FBXL2: variants seen among roughly 807,000 people sequenced by gnomAD.
FBXL2 encodes F-box/LRR-repeat protein 2.
FBXL2 carries 38 observed loss-of-function variants against 69.2 expected under a neutral mutation model. The observed-to-expected ratio is 0.55, with a 90% CI of 0.42 to 0.72. The LOEUF is 0.72. FBXL2 is among the 30% of genes least tolerant of loss of function. The pLI is 0.00. For synonymous variants in FBXL2, 192 were observed against 201.3 expected (o/e 0.95, Z 0.39); for missense variants, 354 against 520.3 (o/e 0.68, Z 3.11).
intron 2 of FBXL2, among the ~76,000 whole-genome samples, chr3:33,343,485 G>A: frequency 6.6e-6 from 1 of 151,696 alleles, no homozygotes; most frequent in East Asian, 1.9e-4. Context: ...AATAATAATG[G>A]AACAAAAATT....
chr3:33,315,447 TAA>T (rs199821045), intron 2 of FBXL2, among the ~76,000 whole-genome samples: 2 of 143,630 alleles, frequency 1.4e-5, no homozygotes, highest in Admixed American at 1.4e-4. Context: ...AATGTCAGTT[TAA>T]AAAAAAAAAA....
intron 2 of FBXL2, chr3:33,303,262 T>G: frequency 2.3e-6 from 1 of 438,356 alleles, no homozygotes; most frequent in Non-Finnish European, 4.6e-6. Context: ...GTTTGCTCGC[T>G]CTCGTGGTTG....
At chr3:33,340,326 A>T (rs2039916796) in intron 2 of FBXL2, among the ~76,000 whole-genome samples, 1 of 152,164 alleles carries the variant, frequency 6.6e-6, no homozygotes. Flanking sequence ...GCTACTGAAC[A>T]TGCAATAATG....
chr3:33,388,296 G>GTGAC (rs913806301), downstream of FBXL2: 5 of 152,516 alleles, frequency 3.3e-5, no homozygotes, highest in African/African-American at 9.7e-5. Flanking sequence ...ATGACACGAA[G>GTGAC]TGACAGTAGC....
the FBXL2 span, among the ~76,000 whole-genome samples, chr3:33,420,453 G>C: frequency 6.7e-6 from 1 of 149,058 alleles, no homozygotes; most frequent in African/African-American, 2.5e-5. Flanking sequence ...AGCCTCCCAA[G>C]TAGCTGGAAT....
chr3:33,396,843 G>T, intron 12 of FBXL2: 1 of 683,726 alleles, frequency 1.5e-6, no homozygotes, highest in Non-Finnish European at 2.7e-6. Flanking sequence ...GTCTACCTCT[G>T]CCCTCATCAG....
At chr3:33,324,833 T>G (rs971293296) in intron 2 of FBXL2, among the ~76,000 whole-genome samples, 1 of 152,208 alleles carries the variant, frequency 6.6e-6, no homozygotes, top group African/African-American at 2.4e-5. Context: ...TTTCTAATTC[T>G]ATGAAGAAAG....
At chr3:33,339,532 G>A (rs1432439436) in intron 2 of FBXL2, among the ~76,000 whole-genome samples, 8 of 152,184 alleles carry the variant, frequency 5.3e-5, no homozygotes, top group Non-Finnish European at 8.8e-5. Flanking sequence ...GGAAACAGGA[G>A]ACATGGAGGC....
intron 1 of FBXL2, among the ~76,000 whole-genome samples, chr3:33,290,269 T>C (rs1033414460): frequency 3.9e-5 from 6 of 152,198 alleles, no homozygotes; most frequent in Non-Finnish European, 2.9e-5. Flanking sequence ...CAAACCCAGC[T>C]CAACTATAGA....
At chr3:33,303,090 T>C (rs1241383316) in intron 2 of FBXL2, 1 of 456,674 alleles carries the variant, frequency 2.2e-6, no homozygotes, top group East Asian at 6.9e-5. Flanking sequence ...ATGGGCTTTT[T>C]AAAGGACTGC....
chr3:33,385,743 T>C lies in FBXL2; in HGVS notation c.*135T>C, dbSNP rs2043389549. 2 of 684,574 alleles carry C rather than the reference T, an allele frequency of 2.9e-6. No homozygotes were observed. The highest frequency in any genetic ancestry group is 2.6e-6 in the Non-Finnish European group (1 of 387,252). The allele number at this position is 684,574 out of a possible 1,614,324, so 42.4% of individuals were successfully genotyped here. A position where few individuals can be genotyped will look rare whatever the true frequency, so the allele number is the denominator to read the frequency against. ...GGCATTTACAGGTAAAAGACTTCTG[T>C]ATGGATTGCAGTTACTCTGGTGATA... On this transcript the variant is annotated 3_prime_UTR_variant, in exon 15 of 15. Coordinates refer to ENST00000484457, the MANE Select transcript of FBXL2 (RefSeq NM_012157.5).
upstream of FBXL2, chr3:33,277,375 G>T: frequency 1.1e-6 from 1 of 940,984 alleles, no homozygotes; most frequent in Non-Finnish European, 1.4e-6. Flanking sequence ...TGCGGGTCAC[G>T]TGCTCGCCGA....
downstream of FBXL2, chr3:33,392,874 G>A: frequency 2.5e-6 from 1 of 402,386 alleles, no homozygotes; most frequent in Non-Finnish European, 4.4e-6. Flanking sequence ...GCCGGCTCCA[G>A]TGGATGATGA....
At chr3:33,279,606 G>T (rs1162880689) in intron 1 of FBXL2, among the ~76,000 whole-genome samples, 1 of 152,006 alleles carries the variant, frequency 6.6e-6, no homozygotes, top group African/African-American at 2.4e-5. Flanking sequence ...TTCCTTAACT[G>T]CTTGAATCTA....
At chr3:33,337,580 T>C (rs1229321502) in intron 2 of FBXL2, among the ~76,000 whole-genome samples, 1 of 152,180 alleles carries the variant, frequency 6.6e-6, no homozygotes, top group African/African-American at 2.4e-5. Flanking sequence ...TAGAAAACTT[T>C]TAGCAATAAC....
chr3:33,336,769 G>A (rs542691284), intron 2 of FBXL2, among the ~76,000 whole-genome samples: 1 of 152,182 alleles, frequency 6.6e-6, no homozygotes, highest in Admixed American at 6.5e-5. Context: ...GCTGGGTGTG[G>A]TGGCGTGCAC....
At position 33,380,459 on chromosome 3, in the gene FBXL2, G is replaced by C. The variant is rs141125301; in HGVS notation, c.951+1718G>C. Among the ~76,000 whole-genome samples, 587 of 151,348 alleles carry C rather than the reference G, an allele frequency of 3.9e-3. 4 individuals are homozygous for C. Among genetic ancestry groups the C allele is most frequent in the African/African-American group, 0.013 (548 of 41,190 alleles). On this transcript the variant is annotated intron_variant, in intron 13 of 14. Coordinates refer to ENST00000484457, the MANE Select transcript of FBXL2 (RefSeq NM_012157.5). ...TATAATCCCAGCTACTAGGGAGGCT[G>C]AGGCAGGAGAATTGCTTGAAACTGG...
the FBXL2 span, chr3:33,416,017 G>C: frequency 6.6e-6 from 1 of 152,126 alleles, no homozygotes; most frequent in African/African-American, 2.4e-5. Context: ...CACTAAAAAG[G>C]CAGATCCACA....
At chr3:33,332,522 C>T (rs1305683017) in intron 2 of FBXL2, among the ~76,000 whole-genome samples, 1 of 152,148 alleles carries the variant, frequency 6.6e-6, no homozygotes, top group Non-Finnish European at 1.5e-5. Flanking sequence ...GGGAATAATC[C>T]AAATGTCCAT....
Sources: allele counts gnomAD v4.1 joint callset (sites outside exome capture counted in the v4.1 genomes callset), GRCh38; gene constraint gnomAD v4.1.1; transcripts MANE v1.5; gene names NCBI Gene and HGNC (gene_info 2026-07-23, HGNC 2026-07-21).